Variants in ROBO2 observed in about 807,000 individuals in gnomAD.
ROBO2 encodes roundabout homolog 2.
ROBO2 carries 53 observed loss-of-function variants against 160.8 expected under a neutral mutation model. The ratio of observed to expected loss-of-function variants is 0.33; its 90% confidence interval spans 0.26 to 0.41. The LOEUF (loss-of-function observed/expected upper bound fraction) is 0.41, where lower values mean the gene tolerates loss of function less well. ROBO2 is among the 10% of genes least tolerant of loss of function. The pLI is 1.00. For missense variants in ROBO2, 1,577 were observed against 1,722.4 expected, an observed-to-expected ratio of 0.92 and a Z score of 1.49; for synonymous variants, 664 against 611.7, an observed-to-expected ratio of 1.09 and a Z score of -1.26.
At chr3:77,017,044 CTT>C (rs1319853389) in intron 2 of ROBO2, among the ~76,000 whole-genome samples, 1 of 152,174 alleles carries the variant, frequency 6.6e-6, no homozygotes, top group African/African-American at 2.4e-5. Context: ...GTCAATCTAA[CTT>C]AATATACTAC....
At chr3:76,752,274 A>AC (rs1204720472) in intron 2 of ROBO2, among the ~76,000 whole-genome samples, 1 of 131,014 alleles carries the variant, frequency 7.6e-6, no homozygotes, top group African/African-American at 2.8e-5. Context: ...AACATCACAC[A>AC]CCGGGGCCTG....
chr3:77,309,329 T>C (rs2063354330), intron 2 of ROBO2, among the ~76,000 whole-genome samples: 1 of 152,194 alleles, frequency 6.6e-6, no homozygotes, highest in African/African-American at 2.4e-5. Flanking sequence ...TTAGAGGATT[T>C]AGGAGAAATG....
At chr3:76,130,140 T>C (rs553641335) in intron 2 of ROBO2, among the ~76,000 whole-genome samples, 2 of 152,224 alleles carry the variant, frequency 1.3e-5, no homozygotes, top group African/African-American at 4.8e-5. Context: ...CTGGGTAATA[T>C]ATATGCTTTT....
In ROBO2 at chr3:77,021,087, G is replaced by A. The variant is rs115511695; in HGVS notation, c.110-76927G>A. On this transcript the variant is annotated intron_variant, in intron 2 of 26. Coordinates refer to the ROBO2 transcript ENST00000487694. ...TATCTGGGTGTGGTGGCATACACCTGGGTCCTAGGAGGCTGAGGTGAGAGG... is the reference window on the plus strand; with the variant it reads ...TATCTGGGTGTGGTGGCATACACCTAGGTCCTAGGAGGCTGAGGTGAGAGG... 7.7e-3 allele frequency among the ~76,000 whole-genome samples: 1,177 copies of A among 152,150 alleles called. 18 individuals are homozygous for A. The highest frequency in any genetic ancestry group is 0.026 in the African/African-American group (1,078 of 41,514).
At chr3:76,099,157 C>T (rs2069578871) in intron 2 of ROBO2, among the ~76,000 whole-genome samples, 1 of 152,136 alleles carries the variant, frequency 6.6e-6, no homozygotes, top group African/African-American at 2.4e-5. Flanking sequence ...TTAGTTATTA[C>T]TGCAATTCCT....
chr3:76,394,739 A>G (rs1308579584), intron 2 of ROBO2, among the ~76,000 whole-genome samples: 1 of 152,158 alleles, frequency 6.6e-6, no homozygotes, highest in South Asian at 2.1e-4. Context: ...AGGCCATTAC[A>G]TAACGGTAAA....
chr3:77,332,973 T>A (rs150143316), intron 2 of ROBO2, among the ~76,000 whole-genome samples: 1 of 152,328 alleles, frequency 6.6e-6, no homozygotes, highest in Non-Finnish European at 1.5e-5. Flanking sequence ...AGAAAATGTG[T>A]CTGTGATGAT....
chr3:76,803,916 G>A (rs942817430), intron 2 of ROBO2, among the ~76,000 whole-genome samples: 12 of 152,188 alleles, frequency 7.9e-5, no homozygotes, highest in South Asian at 6.2e-4. Context: ...GAGCTAAGAC[G>A]TGAAGCTATA....
intron 2 of ROBO2, among the ~76,000 whole-genome samples, chr3:77,011,703 T>C (rs1282991643): frequency 6.6e-6 from 1 of 152,064 alleles, no homozygotes. Context: ...AATTTCTCCT[T>C]CTGACAAGCC....
intron 2 of ROBO2, among the ~76,000 whole-genome samples, chr3:76,690,681 T>A (rs563595931): frequency 2.6e-5 from 4 of 152,260 alleles, no homozygotes; most frequent in Admixed American, 1.3e-4. Flanking sequence ...CCCCTCTAGA[T>A]GAAAAGAGCT....
intron 2 of ROBO2, among the ~76,000 whole-genome samples, chr3:77,404,004 G>A (rs1315277800): frequency 6.6e-6 from 1 of 152,024 alleles, no homozygotes; most frequent in Non-Finnish European, 1.5e-5. Context: ...ACTAGCACCA[G>A]CATCCAGTTA....
intron 2 of ROBO2, among the ~76,000 whole-genome samples, chr3:76,304,778 C>T (rs1343073520): frequency 4.3e-5 from 6 of 139,852 alleles, no homozygotes; most frequent in South Asian, 2.3e-4. Flanking sequence ...TTCTTTCTTT[C>T]TTTCTTTCTT....
chr3:75,908,345 G>A (rs1271151514), intron 1 of ROBO2, among the ~76,000 whole-genome samples: 1 of 151,980 alleles, frequency 6.6e-6, no homozygotes, highest in Non-Finnish European at 1.5e-5. Context: ...TAATGACTGA[G>A]TTCAACAAAT....
intron 2 of ROBO2, among the ~76,000 whole-genome samples, chr3:76,575,655 A>T (rs2085242978): frequency 6.6e-6 from 1 of 152,042 alleles, no homozygotes; most frequent in Admixed American, 6.6e-5. Context: ...TTCATTCTTT[A>T]TCTTTCTTTC....
intron 2 of ROBO2, among the ~76,000 whole-genome samples, chr3:76,711,799 C>T (rs2093299692): frequency 6.6e-6 from 1 of 152,164 alleles, no homozygotes; most frequent in African/African-American, 2.4e-5. Context: ...TTGACCCCTT[C>T]GAAACTCCTA....
At chr3:76,500,696 T>G (rs928694587) in intron 2 of ROBO2, among the ~76,000 whole-genome samples, 1 of 152,294 alleles carries the variant, frequency 6.6e-6, no homozygotes, top group African/African-American at 2.4e-5. Context: ...CAAAAATCTA[T>G]GAGATAAAAG....
chr3:76,536,100 T>C (rs542570540), intron 2 of ROBO2, among the ~76,000 whole-genome samples: 1 of 152,278 alleles, frequency 6.6e-6, no homozygotes, highest in African/African-American at 2.4e-5. Flanking sequence ...GCCAGTTTTG[T>C]GGCATTTGAG....
At chr3:76,336,372 T>G (rs1447726088) in intron 2 of ROBO2, among the ~76,000 whole-genome samples, 2 of 152,254 alleles carry the variant, frequency 1.3e-5, no homozygotes, top group Non-Finnish European at 1.5e-5. Context: ...GAGGTGATTC[T>G]GTGCCCAGCT....
At chr3:76,753,502 G>A (rs1047084356) in intron 2 of ROBO2, among the ~76,000 whole-genome samples, 2 of 151,740 alleles carry the variant, frequency 1.3e-5, no homozygotes, top group East Asian at 3.9e-4. Context: ...CTTGTTAACA[G>A]ATGAATTTTG....
Sources: gnomAD v4.1 joint callset for allele counts (sites outside exome capture counted in the v4.1 genomes callset) on GRCh38, gnomAD v4.1.1 for gene constraint, MANE v1.5 for transcripts, NCBI Gene and HGNC (gene_info 2026-07-23, HGNC 2026-07-21) for gene names.